The following FSTL4 variants were observed in gnomAD, a reference collection of about 807,000 sequenced individuals.
FSTL4 encodes the protein follistatin like 4, also known as follistatin-related protein 4.
FSTL4 carries 28 observed loss-of-function variants against 78.2 expected under a neutral mutation model. That is an observed-to-expected ratio of 0.36 (90% CI 0.27 to 0.49). FSTL4 has a LOEUF of 0.49. FSTL4 is among the 20% of genes least tolerant of loss of function. The pLI, the probability that FSTL4 is intolerant of heterozygous loss-of-function variation, is 0.98. For synonymous variants in FSTL4, 422 were observed against 440.5 expected (o/e 0.96, Z 0.53); for missense variants, 922 against 1,084.9 (o/e 0.85, Z 2.11).
intron 3 of FSTL4, among the ~76,000 whole-genome samples, chr5:133,462,736 C>T (rs76666238): frequency 0.018 from 2,674 of 152,226 alleles, 74 homozygotes; most frequent in African/African-American, 0.059. Context: ...AGCTGGCCCA[C>T]GAAGGATGAT....
At chr5:133,374,776 T>G (rs1314598732) in intron 4 of FSTL4, among the ~76,000 whole-genome samples, 1 of 152,168 alleles carries the variant, frequency 6.6e-6, no homozygotes, top group Non-Finnish European at 1.5e-5. Flanking sequence ...GATGGTCATC[T>G]GCAAACCAGG....
intron 3 of FSTL4, among the ~76,000 whole-genome samples, chr5:133,506,456 G>A (rs1242862441): frequency 6.6e-6 from 1 of 152,086 alleles, no homozygotes; most frequent in Non-Finnish European, 1.5e-5. Flanking sequence ...AATGAGAAAG[G>A]GGACAGATTT....
intron 3 of FSTL4, among the ~76,000 whole-genome samples, chr5:133,556,294 G>A (rs1759785618): frequency 6.6e-6 from 1 of 152,126 alleles, no homozygotes; most frequent in African/African-American, 2.4e-5. Flanking sequence ...CTATCTCAGA[G>A]GTTGTTTATG....
the FSTL4 span, among the ~76,000 whole-genome samples, chr5:133,760,480 C>A: frequency 6.6e-6 from 1 of 152,178 alleles, no homozygotes; most frequent in Non-Finnish European, 1.5e-5. Context: ...TCTATAGATG[C>A]ACCATATTTG....
At chr5:133,798,751 G>A in the FSTL4 span, among the ~76,000 whole-genome samples, 6 of 151,994 alleles carry the variant, frequency 3.9e-5, no homozygotes, top group African/African-American at 1.5e-4. Context: ...CAGTTCTGTG[G>A]GCTCCTACAG....
At chr5:133,539,026 C>A (rs461418) in intron 3 of FSTL4, among the ~76,000 whole-genome samples, 1 of 151,830 alleles carries the variant, frequency 6.6e-6, no homozygotes, top group Admixed American at 6.6e-5. Flanking sequence ...TATGGTGGTT[C>A]GGGGATCCAC....
chr5:133,823,091 T>C, the FSTL4 span, among the ~76,000 whole-genome samples: 4 of 152,122 alleles, frequency 2.6e-5, no homozygotes, highest in African/African-American at 9.7e-5. Context: ...TCAAGTGCCA[T>C]AGCGTTCAGG....
chr5:133,398,261 G>A (rs1313506082), intron 4 of FSTL4, among the ~76,000 whole-genome samples: 1 of 152,212 alleles, frequency 6.6e-6, no homozygotes, highest in Non-Finnish European at 1.5e-5. Flanking sequence ...AGGAGAGGCA[G>A]CCCAGCTCTT....
chr5:133,352,325 T>TAC (rs1554107451), intron 4 of FSTL4, among the ~76,000 whole-genome samples: 14 of 84,428 alleles, frequency 1.7e-4, no homozygotes, highest in African/African-American at 5.1e-4. Context: ...CACATATATA[T>TAC]ACACACATAT....
upstream of FSTL4, among the ~76,000 whole-genome samples, chr5:133,613,452 G>C (rs1056066525): frequency 1.3e-5 from 2 of 152,174 alleles, no homozygotes; most frequent in East Asian, 1.9e-4. Flanking sequence ...TCTCCTGGCC[G>C]GGGGGAGGTG....
intron 3 of FSTL4, among the ~76,000 whole-genome samples, chr5:133,526,958 C>T (rs1296732020): frequency 7.2e-5 from 11 of 152,206 alleles, no homozygotes; most frequent in East Asian, 1.9e-4. Flanking sequence ...CCCAACAGAG[C>T]GGCAACTGGC....
intron 6 of FSTL4, among the ~76,000 whole-genome samples, chr5:133,253,101 C>T (rs1025603209): frequency 2.0e-5 from 3 of 152,160 alleles, no homozygotes; most frequent in Non-Finnish European, 4.4e-5. Flanking sequence ...TCAATATTCC[C>T]CAGCTCCTTT....
chr5:133,248,021 A>T (rs752350117), intron 7 of FSTL4: 3 of 152,262 alleles, frequency 2.0e-5, no homozygotes, highest in Non-Finnish European at 4.4e-5. Context: ...CTCCAAGGTC[A>T]CTGGGTTTAG....
At chr5:133,445,930 C>T (rs1468071180) in intron 3 of FSTL4, among the ~76,000 whole-genome samples, 1 of 152,164 alleles carries the variant, frequency 6.6e-6, no homozygotes, top group Non-Finnish European at 1.5e-5. Flanking sequence ...AGGCTGGGTG[C>T]CATTCTAGGC....
At chr5:133,596,287 G>A (rs1760736229) in intron 2 of FSTL4, among the ~76,000 whole-genome samples, 1 of 152,196 alleles carries the variant, frequency 6.6e-6, no homozygotes, top group Non-Finnish European at 1.5e-5. Context: ...GCTGAAGCGT[G>A]GGTTGTGCTG....
intron 3 of FSTL4, among the ~76,000 whole-genome samples, chr5:133,515,322 G>C (rs954326908): frequency 6.6e-6 from 1 of 151,792 alleles, no homozygotes; most frequent in African/African-American, 2.4e-5. Flanking sequence ...AGGTCAGGAG[G>C]TCAGGGCTGG....
the FSTL4 span, among the ~76,000 whole-genome samples, chr5:133,661,783 GTAAT>G: frequency 6.6e-6 from 1 of 152,174 alleles, no homozygotes; most frequent in Admixed American, 6.5e-5. Flanking sequence ...AGATAACTCT[GTAAT>G]TAAGTGAGGG....
chr5:133,397,790 A>G (rs975039439), intron 4 of FSTL4, among the ~76,000 whole-genome samples: 1 of 152,252 alleles, frequency 6.6e-6, no homozygotes, highest in Non-Finnish European at 1.5e-5. Context: ...GGGGACAGAT[A>G]AAGTCCCAGA....
At chr5:133,203,991 C>T (rs1182071380) in intron 14 of FSTL4, among the ~76,000 whole-genome samples, 1 of 152,210 alleles carries the variant, frequency 6.6e-6, no homozygotes, top group Non-Finnish European at 1.5e-5. Flanking sequence ...ACTGTCAAGC[C>T]CCTCACATTT....
Sources: allele counts gnomAD v4.1 joint callset (sites outside exome capture counted in the v4.1 genomes callset), GRCh38; gene constraint gnomAD v4.1.1; transcripts MANE v1.5; gene names NCBI Gene and HGNC (gene_info 2026-07-23, HGNC 2026-07-21).